Variants in MR1 observed in about 807,000 individuals in gnomAD.
MR1 encodes the protein major histocompatibility complex, class I-related, also known as major histocompatibility complex class I-related protein 1.
MR1 carries 44 observed loss-of-function variants against 37.8 expected under a neutral mutation model. That is an observed-to-expected ratio of 1.16 (90% CI 0.91 to 1.50). The LOEUF (loss-of-function observed/expected upper bound fraction) is 1.50. Ranked by LOEUF, MR1 falls within the 40% of genes most tolerant of loss-of-function variation. The probability of loss-of-function intolerance (pLI) is 0.00; values close to 1 mark genes in which losing one functional copy is unlikely to be tolerated. For synonymous variants in MR1, 153 were observed against 155.8 expected (o/e 0.98, Z 0.13); for missense variants, 386 against 419.1 (o/e 0.92, Z 0.69).
intron 5 of MR1, among the ~76,000 whole-genome samples, chr1:181,054,379 T>C (rs1658490114): frequency 6.6e-6 from 1 of 152,236 alleles, no homozygotes; most frequent in Non-Finnish European, 1.5e-5. Flanking sequence ...CTCCTGGCTC[T>C]GGCTTCACTA....
rs538245019 is a variant in MR1, at chr1:181,048,731, C to T, written c.68-321C>T. On this transcript the variant is annotated intron_variant, in intron 1 of 5. Transcript: ENST00000367580. ...CGCAGGGACAGCTCCCCCTGTATCC[C>T]CAATGAGTGGTCTTCTCCCTTCCCC... 9.2e-5 allele frequency among the ~76,000 whole-genome samples: 14 copies of T among 152,262 alleles called. No homozygotes were observed. In the South Asian group the frequency reaches 2.9e-3, roughly 32 times the overall value.
Position 181,061,484 on chromosome 1 carries a change from T to G in MR1, c.*6219T>G, listed in dbSNP as rs1658896869. The G allele has an allele frequency of 6.6e-6, 1 of 151,974 alleles. No individual in the cohort carries two copies. The highest frequency in any genetic ancestry group is 2.4e-5 in the African/African-American group (1 of 41,364). The allele number at this position is 151,974 out of a possible 1,614,324, so 9.4% of individuals were successfully genotyped here. A position where few individuals can be genotyped will look rare whatever the true frequency, so the allele number is the denominator to read the frequency against. Reference sequence around the variant, plus strand: ...GAAATGGGCTGCACACCAGAATGAATGAATTGAATTGAAAGGGAGGAGTGA... The same window carrying G: ...GAAATGGGCTGCACACCAGAATGAAGGAATTGAATTGAAAGGGAGGAGTGA... On this transcript the variant is annotated 3_prime_UTR_variant, in exon 6 of 6. Transcript: ENST00000367580.
rs1658551954 is a variant in MR1, at chr1:181,055,265, A to G, written c.1026A>G (p.Ter342TrpextTer12). 1 of 1,612,994 alleles carries G rather than the reference A, an allele frequency of 6.2e-7. No homozygotes were observed. The highest frequency in any genetic ancestry group is 1.7e-5 in the Admixed American group (1 of 60,014). ...GAIYLPTPDR* is the reference protein window; with the variant it reads ...GAIYLPTPDRW Reference sequence around the variant, plus strand: ...TCTACCTTCCAACACCAGATCGATGATTGCAGATCCCTCTTTTCCAGTTCT... The same window carrying G: ...TCTACCTTCCAACACCAGATCGATGGTTGCAGATCCCTCTTTTCCAGTTCT... Residue 342 changes from the stop codon to tryptophan (W), a stop_lost, in exon 6 of 6, where the codon TGA becomes TGG. Coordinates refer to ENST00000367580, the MANE Select transcript of MR1 (RefSeq NM_001385161.1).
chr1:181,041,715 C>T (rs1371312444), intron 1 of MR1, among the ~76,000 whole-genome samples: 1 of 152,248 alleles, frequency 6.6e-6, no homozygotes, highest in African/African-American at 2.4e-5. Context: ...TCCTTGCAGG[C>T]ACTTGCTCAG....
chr1:181,050,216 G>A lies in MR1; in HGVS notation c.534G>A (p.Trp178Ter). ...ATGAGTTGCTGTATCAAAAGAATTG[G>A]CTGGAAGAAGAATGTATTGCCTGGC... ...NQHELLYQKN[W>*]LEEECIAWLK... Residue 178 changes from tryptophan (W) to a stop codon, truncating the protein, a stop_gained, in exon 3 of 6, where the codon TGG (tryptophan) becomes TGA (stop). Coordinates refer to ENST00000367580, the MANE Select transcript of MR1 (RefSeq NM_001385161.1). LOFTEE classifies it high-confidence loss of function. The A allele has an allele frequency of 6.2e-7, 1 of 1,614,234 alleles. No individual in the cohort carries two copies. Among genetic ancestry groups the A allele is most frequent in the Non-Finnish European group, 8.5e-7 (1 of 1,180,034 alleles).
chr1:181,036,678 C>G (rs1418444604), intron 1 of MR1, among the ~76,000 whole-genome samples: 1 of 152,304 alleles, frequency 6.6e-6, no homozygotes. Context: ...TCCCATGGCT[C>G]CTGTTCACAG....
At chr1:181,042,668 T>C (rs915791896) in intron 1 of MR1, among the ~76,000 whole-genome samples, 4 of 150,338 alleles carry the variant, frequency 2.7e-5, no homozygotes, top group African/African-American at 9.8e-5. Context: ...TAGCCAGGCG[T>C]GATGGTGGGC....
At chr1:181,045,283 AC>A (rs1657787395) in intron 1 of MR1, among the ~76,000 whole-genome samples, 1 of 152,160 alleles carries the variant, frequency 6.6e-6, no homozygotes, top group Admixed American at 6.6e-5. Context: ...GCATCTGCAG[AC>A]ACCGGCAGGC....
intron 2 of MR1, chr1:181,049,551 G>A (rs535475137): frequency 3.5e-5 from 20 of 577,030 alleles, no homozygotes; most frequent in Admixed American, 3.1e-4. Context: ...CTCTGTATCC[G>A]TATCTGCATC....
intron 1 of MR1, chr1:181,036,878 A>G (rs1438838957): frequency 6.6e-6 from 1 of 152,230 alleles, no homozygotes; most frequent in African/African-American, 2.4e-5. Context: ...ACTGGGAGCC[A>G]TAGAGAGCTC....
chr1:181,052,598 T>C, intron 4 of MR1, 88 bp downstream of exon 4: 1 of 1,400,566 alleles, frequency 7.1e-7, no homozygotes, highest in Non-Finnish European at 9.8e-7. Context: ...GAGGGGAGGA[T>C]AGATCACTGC....
chr1:181,035,336 C>T (rs1434717626), intron 1 of MR1, among the ~76,000 whole-genome samples: 1 of 141,124 alleles, frequency 7.1e-6, no homozygotes, highest in African/African-American at 2.6e-5. Context: ...GACTCCATCT[C>T]AAAAAAAAAA....
intron 4 of MR1, among the ~76,000 whole-genome samples, chr1:181,053,007 G>A (rs1658406087): frequency 6.6e-6 from 1 of 152,128 alleles, no homozygotes; most frequent in African/African-American, 2.4e-5. Flanking sequence ...GGAGGTTGCA[G>A]TGAGCCGAGA....
At position 181,058,490 on chromosome 1, in the gene MR1, C is replaced by G. The variant is rs182771805; in HGVS notation, c.*3225C>G. The G allele has an allele frequency of 4.6e-5, 7 of 152,294 alleles. No homozygotes were observed. The highest frequency in any genetic ancestry group is 2.6e-4 in the Admixed American group (4 of 15,308). 9.4% of individuals were successfully genotyped at this position (152,294 alleles called of 1,614,324 possible). A position where few individuals can be genotyped will look rare whatever the true frequency, so the allele number is the denominator to read the frequency against. On this transcript the variant is annotated 3_prime_UTR_variant, in exon 6 of 6. Coordinates refer to ENST00000367580, the MANE Select transcript of MR1 (RefSeq NM_001385161.1). ...GGTGAAAAATCCAACAAGACTCCAT[C>G]GAGAGTTTCTGAGCTCTCCCATCAG... is the stretch of plus-strand genomic sequence containing the variant.
At position 181,049,215 on chromosome 1, in the gene MR1, G is replaced by A. The variant is rs139843908; in HGVS notation, c.231G>A (p.Ala77=). The A allele has an allele frequency of 2.6e-5, 42 of 1,614,198 alleles. 1 individual carries two copies. The highest frequency in any genetic ancestry group is 2.5e-4 in the Admixed American group (15 of 60,024). ...CCCCATGGATGGCAGAGAACCTCGCGCCTGATCACTGGGAGAGGTACACTC... is the reference window on the plus strand; with the variant it reads ...CCCCATGGATGGCAGAGAACCTCGCACCTGATCACTGGGAGAGGTACACTC... The part of the protein sequence containing the change: ...PRAPWMAENL[A]PDHWERYTQL... Residue 77 remains alanine, a synonymous_variant, in exon 2 of 6, where the codon GCG becomes GCA. Coordinates refer to ENST00000367580, the MANE Select transcript of MR1 (RefSeq NM_001385161.1).
At chr1:181,040,938 T>C (rs1657520864) in intron 1 of MR1, among the ~76,000 whole-genome samples, 1 of 151,708 alleles carries the variant, frequency 6.6e-6, no homozygotes, top group South Asian at 2.1e-4. Flanking sequence ...AAAAATTAGC[T>C]GGGTGTAGTG....
In MR1 at chr1:181,033,992, C is replaced by T. The variant is rs376031659; in HGVS notation, c.-16C>T. The T allele has an allele frequency of 2.9e-5, 46 of 1,602,582 alleles. No homozygotes were observed. In the Middle Eastern group the frequency reaches 5.0e-4, roughly 17 times the overall value. ...CTGTCAGTTTTTGGTTAAAAGAACC[C>T]GGAAAGAGAAGGACTATGGGGGAAC... On this transcript the variant is annotated 5_prime_UTR_variant, in exon 1 of 6. Coordinates refer to ENST00000367580, the MANE Select transcript of MR1 (RefSeq NM_001385161.1).
chr1:181,054,870 AAAAAGAAAAG>A (rs769088387), intron 5 of MR1, among the ~76,000 whole-genome samples: 1 of 152,130 alleles, frequency 6.6e-6, no homozygotes, highest in Non-Finnish European at 1.5e-5. Flanking sequence ...TCAAAAAAGA[AAAAAGAAAAG>A]AAAAGAAAAG....
chr1:181,041,377 A>C (rs1332247514), intron 1 of MR1, among the ~76,000 whole-genome samples: 1 of 152,152 alleles, frequency 6.6e-6, no homozygotes, highest in Non-Finnish European at 1.5e-5. Flanking sequence ...AGGAATGTAG[A>C]CCTCAGAGAT....
Sources: allele counts gnomAD v4.1 joint callset (sites outside exome capture counted in the v4.1 genomes callset), GRCh38; gene constraint gnomAD v4.1.1; transcripts MANE v1.5; gene names NCBI Gene and HGNC (gene_info 2026-07-23, HGNC 2026-07-21).